The following UHRF2 variants were observed in gnomAD, a reference collection of about 807,000 sequenced individuals.
UHRF2 encodes the protein E3 ubiquitin-protein ligase UHRF2.
A neutral mutation model predicts 96.8 loss-of-function variants in UHRF2; 23 were observed. The observed-to-expected ratio is 0.24, with a 90% CI of 0.17 to 0.34. The LOEUF (loss-of-function observed/expected upper bound fraction) is 0.34, where lower values mean the gene tolerates loss of function less well. Among genes scored for constraint, UHRF2 ranks in the 10% least tolerant of loss-of-function variants. The probability of loss-of-function intolerance (pLI) is 1.00; values close to 1 mark genes in which losing one functional copy is unlikely to be tolerated. For missense variants in UHRF2, 685 were observed against 981.5 expected (o/e 0.70, Z 4.04); for synonymous variants, 385 against 332.6 (o/e 1.16, Z -1.72).
chr9:6,436,313 G>T (rs943305585), intron 3 of UHRF2, among the ~76,000 whole-genome samples: 2 of 152,166 alleles, frequency 1.3e-5, no homozygotes, highest in African/African-American at 2.4e-5. Flanking sequence ...TACTTGACAT[G>T]ATAGATGGTA....
chr9:6,497,448 G>T (rs1476283637), intron 11 of UHRF2, 88 bp downstream of exon 11: 8 of 1,436,698 alleles, frequency 5.6e-6, no homozygotes, highest in Non-Finnish European at 7.6e-6. Context: ...GGGTGGGCTC[G>T]AGGAAACAGT....
At chr9:6,422,920 G>C in intron 2 of UHRF2, 2 of 352,312 alleles carry the variant, frequency 5.7e-6, no homozygotes, top group Non-Finnish European at 5.0e-6. Flanking sequence ...AAATGAAATT[G>C]ATTTATTTGG....
At position 6,489,134 on chromosome 9, in the gene UHRF2, C is replaced by G. The variant is rs551879557; in HGVS notation, c.1497+2209C>G. Among the ~76,000 whole-genome samples, 16 of 152,248 alleles carry G rather than the reference C, an allele frequency of 1.1e-4. No individual in the cohort carries two copies. In the East Asian group the frequency reaches 2.9e-3, roughly 28 times the overall value. On this transcript the variant is annotated intron_variant, in intron 9 of 15. Transcript: ENST00000276893. ...CTCATTTCTTCCTGTAATTTTCTCA[C>G]TTCAAGAATTTTTATAAATGGAAGT...
intron 15 of UHRF2, 131 bp from the exon 16 acceptor site, chr9:6,505,902 A>G: frequency 1.1e-6 from 1 of 923,966 alleles, no homozygotes; most frequent in Non-Finnish European, 1.6e-6. Flanking sequence ...TGCAGATTCA[A>G]GCCTTTATGT....
intron 4 of UHRF2, among the ~76,000 whole-genome samples, chr9:6,471,904 C>T (rs183027125): frequency 1.8e-4 from 28 of 152,208 alleles, no homozygotes; most frequent in African/African-American, 6.7e-4. Context: ...AAAAAGGAGT[C>T]CGGTTAGAAA....
chr9:6,465,122 A>T (rs981611060), intron 4 of UHRF2, among the ~76,000 whole-genome samples: 1 of 152,164 alleles, frequency 6.6e-6, no homozygotes, highest in African/African-American at 2.4e-5. Context: ...ATAAGTAGTG[A>T]TAACAGGCAT....
chr9:6,505,922 C>A (rs887038472), intron 15 of UHRF2, 111 bp from the exon 16 acceptor site: 72 of 1,116,218 alleles, frequency 6.5e-5, no homozygotes, highest in Middle Eastern at 2.0e-4. Flanking sequence ...TTTGTTCATT[C>A]TGTACATTTC....
At chr9:6,421,694 G>T (rs111251622) in intron 2 of UHRF2, among the ~76,000 whole-genome samples, 1 of 152,238 alleles carries the variant, frequency 6.6e-6, no homozygotes, top group Middle Eastern at 3.4e-3. Flanking sequence ...TGGAATTACC[G>T]GGGTGAGCCA....
At position 6,456,769 on chromosome 9, in the gene UHRF2, A is replaced by G. The variant is rs199833332; in HGVS notation, c.645-3804A>G. ...TACATGTGGCTAGCCAGTTTTCCCA[A>G]CACCATTTATTAAATAGGGAATCCT... On this transcript the variant is annotated intron_variant, in intron 3 of 15. Coordinates refer to ENST00000276893, the MANE Select transcript of UHRF2 (RefSeq NM_152896.3). Among the ~76,000 whole-genome samples the G allele has an allele frequency of 3.7e-4, 56 of 152,254 alleles. No homozygotes were observed. In the Middle Eastern group the frequency reaches 0.017, roughly 46 times the overall value.
Position 6,450,304 on chromosome 9 carries a change from TCC to T in UHRF2, c.645-10259_645-10258del, listed in dbSNP as rs34892051. ...TCTCTATCTACAGATTTCTTCCCCT[TCC>T]CCCCCCCCCATTTATTTAAATAAAC... is the stretch of plus-strand genomic sequence containing the variant. On this transcript the variant is annotated intron_variant, in intron 3 of 15. Coordinates refer to ENST00000276893, the MANE Select transcript of UHRF2 (RefSeq NM_152896.3). 6.3e-4 allele frequency among the ~76,000 whole-genome samples: 75 copies of T among 118,212 alleles called. 2 individuals carry two copies. In the Middle Eastern group the frequency reaches 0.013, roughly 20 times the overall value. 77.6% of individuals were successfully genotyped at this position (118,212 alleles called of 152,430 possible).
At chr9:6,459,874 C>T (rs1339468716) in intron 3 of UHRF2, among the ~76,000 whole-genome samples, 1 of 152,170 alleles carries the variant, frequency 6.6e-6, no homozygotes, top group Non-Finnish European at 1.5e-5. Flanking sequence ...TCAGGCAGCT[C>T]AGGCTCGGGG....
At chr9:6,416,338 G>A in intron 1 of UHRF2, among the ~76,000 whole-genome samples, 1 of 152,130 alleles carries the variant, frequency 6.6e-6, no homozygotes, top group Admixed American at 6.5e-5. Context: ...AAAGTGCTGG[G>A]ATTACAGGCG....
In UHRF2 at chr9:6,439,551, T is replaced by C. The variant is rs1176182348; in HGVS notation, c.644+5378T>C. Reference sequence around the variant, plus strand: ...TTATGCAGATAGTGCAAAGCAAACATTGGGTTCACATCATGTACAAAGTAG... The same window carrying C: ...TTATGCAGATAGTGCAAAGCAAACACTGGGTTCACATCATGTACAAAGTAG... On this transcript the variant is annotated intron_variant, in intron 3 of 15. Transcript: ENST00000276893. 2.0e-5 allele frequency among the ~76,000 whole-genome samples: 3 copies of C among 152,248 alleles called. 1 individual carries two copies. Among genetic ancestry groups the C allele is most frequent in the Non-Finnish European group, 4.4e-5 (3 of 68,046 alleles).
At position 6,498,035 on chromosome 9, in the gene UHRF2, A is replaced by G; in HGVS notation, c.1785A>G (p.Pro595=). ...TGATTTAGGTGGTGAAATACTGGCC[A>G]GAGATTTCATCAAGCCATGGATTCT... ...DGIYKVVKYW[P]EISSSHGFLV... is the part of the protein sequence containing the mutation. Residue 595 remains proline, a synonymous_variant, in exon 12 of 16, where the codon CCA becomes CCG. Coordinates refer to ENST00000276893, the MANE Select transcript of UHRF2 (RefSeq NM_152896.3). The G allele has an allele frequency of 6.2e-7, 1 of 1,612,984 alleles. No individual in the cohort carries two copies. Among genetic ancestry groups the G allele is most frequent in the Non-Finnish European group, 8.5e-7 (1 of 1,179,930 alleles).
intron 4 of UHRF2, among the ~76,000 whole-genome samples, chr9:6,463,108 C>G (rs140189289): frequency 2.6e-5 from 4 of 152,182 alleles, no homozygotes; most frequent in Admixed American, 2.6e-4. Flanking sequence ...TAGTGAAACC[C>G]TGTCTCCACT....
At chr9:6,457,353 A>G (rs1450508171) in intron 3 of UHRF2, among the ~76,000 whole-genome samples, 1 of 151,936 alleles carries the variant, frequency 6.6e-6, no homozygotes, top group Non-Finnish European at 1.5e-5. Context: ...TTGCACATTG[A>G]TTTATATCCT....
At position 6,487,595 on chromosome 9, in the gene UHRF2, G is replaced by A. The variant is rs139973822; in HGVS notation, c.1497+670G>A. ...ATGGCCAGGCTGGTCTCGAACTCCT[G>A]ACCTCAGGTGATCCTCCCGCCTTGG... is the stretch of plus-strand genomic sequence containing the variant. On this transcript the variant is annotated intron_variant, in intron 9 of 15. Coordinates refer to ENST00000276893, the MANE Select transcript of UHRF2 (RefSeq NM_152896.3). Among the ~76,000 whole-genome samples the A allele has an allele frequency of 8.7e-3, 1,326 of 152,322 alleles. 20 individuals are homozygous for A. Among genetic ancestry groups the A allele is most frequent in the African/African-American group, 0.03 (1,245 of 41,576 alleles).
chr9:6,423,793 A>G (rs1228736351), intron 2 of UHRF2, among the ~76,000 whole-genome samples: 1 of 152,058 alleles, frequency 6.6e-6, no homozygotes, highest in Admixed American at 6.6e-5. Flanking sequence ...AAAATACAAA[A>G]AATTAGCTGG....
chr9:6,458,040 G>T (rs1453335589), intron 3 of UHRF2, among the ~76,000 whole-genome samples: 11 of 152,120 alleles, frequency 7.2e-5, no homozygotes, highest in African/African-American at 2.7e-4. Context: ...TTAGGGAGGA[G>T]TCCCTCTTTT....
Sources: allele counts gnomAD v4.1 joint callset (sites outside exome capture counted in the v4.1 genomes callset), GRCh38; gene constraint gnomAD v4.1.1; transcripts MANE v1.5; gene names NCBI Gene and HGNC (gene_info 2026-07-23, HGNC 2026-07-21).